The following AFAP1 variants were observed in gnomAD, a reference collection of about 807,000 sequenced individuals.
The protein encoded by AFAP1 is actin filament associated protein 1, also known as actin filament-associated protein 1.
A neutral mutation model predicts 93.9 loss-of-function variants in AFAP1; 75 were observed. The ratio of observed to expected loss-of-function variants is 0.80; its 90% CI spans 0.66 to 0.97. AFAP1 has a LOEUF of 0.97. Ranked by LOEUF, AFAP1 falls within the 50% of genes least tolerant of loss-of-function variation. The pLI is 0.00. For synonymous variants in AFAP1, 517 were observed against 430.7 expected (o/e 1.20, Z -2.48); for missense variants, 1,201 against 1,050.8 (o/e 1.14, Z -1.98).
chr4:7,930,313 A>G (rs1054359312), intron 1 of AFAP1, among the ~76,000 whole-genome samples: 2 of 151,518 alleles, frequency 1.3e-5, no homozygotes, highest in African/African-American at 4.9e-5. Flanking sequence ...TCCAAACCCA[A>G]TATTTAGAGG....
At chr4:7,898,451 C>T (rs1024571582) in intron 1 of AFAP1, among the ~76,000 whole-genome samples, 1 of 151,810 alleles carries the variant, frequency 6.6e-6, no homozygotes, top group Non-Finnish European at 1.5e-5. Flanking sequence ...TCTCTCCTTC[C>T]GCCTTTCACC....
Position 7,815,190 on chromosome 4 carries a change from G to T in AFAP1, c.904+828C>A, listed in dbSNP as rs190482203. On this transcript the variant is annotated intron_variant, in intron 8 of 17. Coordinates refer to ENST00000420658, the MANE Select transcript of AFAP1 (RefSeq NM_001134647.2). ...GGCCTGTAGGACTCCACTTCAATGA[G>T]GTCCCTAGAGGAGTCAGATTCATGA... Among the ~76,000 whole-genome samples the T allele has an allele frequency of 5.3e-5, 8 of 152,244 alleles. No individual in the cohort carries two copies. In the East Asian group the frequency reaches 1.6e-3, roughly 30 times the overall value.
At chr4:7,827,969 A>G in intron 6 of AFAP1, among the ~76,000 whole-genome samples, 1 of 152,176 alleles carries the variant, frequency 6.6e-6, no homozygotes, top group East Asian at 1.9e-4. Flanking sequence ...CTTTGGGGTA[A>G]AAGGAAATGA....
Position 7,770,802 on chromosome 4 carries a change from A to C in AFAP1, c.2254-1794T>G, listed in dbSNP as rs561093838. ...CTCCTCAGAGCACTCCTGCCCTGCC[A>C]CCACCCTCCACGCAGGACAAAAGAC... is the stretch of plus-strand genomic sequence containing the variant. On this transcript the variant is annotated intron_variant, in intron 16 of 17. Transcript: ENST00000420658. Among the ~76,000 whole-genome samples the C allele has an allele frequency of 5.3e-5, 8 of 152,208 alleles. No individual in the cohort carries two copies. In the South Asian group the frequency reaches 1.7e-3, roughly 32 times the overall value.
chr4:7,768,712 A>T (rs1188865807), intron 17 of AFAP1, 132 bp downstream of exon 17: 1 of 1,138,038 alleles, frequency 8.8e-7, no homozygotes, highest in East Asian at 2.9e-5. Flanking sequence ...CCATTCCCAG[A>T]TGTCTACTGA....
chr4:7,847,859 T>C (rs994062217), intron 4 of AFAP1, among the ~76,000 whole-genome samples: 3 of 150,748 alleles, frequency 2.0e-5, no homozygotes, highest in Admixed American at 2.0e-4. Flanking sequence ...TTGTGTAGAG[T>C]AAGGCAGCAG....
intron 16 of AFAP1, among the ~76,000 whole-genome samples, chr4:7,771,001 G>A (rs1009840080): frequency 2.6e-5 from 4 of 152,202 alleles, no homozygotes; most frequent in Non-Finnish European, 5.9e-5. Context: ...GCTGGATGAG[G>A]GACTGGGGTT....
In AFAP1 at chr4:7,800,656, G is replaced by A; in HGVS notation, c.1055-3C>T. The stretch of plus-strand genomic sequence containing the variant: ...GTTGGAGAGCACGTTCAGATAGCCT[G>A]CGGAGACACAAGGCCACAGGTCAGC... On this transcript the variant is annotated splice_region_variant and splice_polypyrimidine_tract_variant and intron_variant, in intron 9 of 17. Coordinates refer to ENST00000420658, the MANE Select transcript of AFAP1 (RefSeq NM_001134647.2). 1 of 1,614,186 alleles carries A rather than the reference G, an allele frequency of 6.2e-7. No homozygotes were observed. The highest frequency in any genetic ancestry group is 8.5e-7 in the Non-Finnish European group (1 of 1,180,026).
intron 1 of AFAP1, among the ~76,000 whole-genome samples, chr4:7,884,049 T>C (rs1718005252): frequency 6.6e-6 from 1 of 152,180 alleles, no homozygotes; most frequent in Non-Finnish European, 1.5e-5. Context: ...GGCTTGGTGC[T>C]GTCCTTGCAA....
chr4:7,848,658 G>T (rs1421831919), intron 4 of AFAP1, among the ~76,000 whole-genome samples: 2 of 151,740 alleles, frequency 1.3e-5, no homozygotes, highest in African/African-American at 4.8e-5. Flanking sequence ...TCCCCGTGTG[G>T]ACCACTCAGA....
intron 1 of AFAP1, among the ~76,000 whole-genome samples, chr4:7,896,080 C>T (rs551155432): frequency 1.3e-5 from 2 of 152,030 alleles, no homozygotes; most frequent in South Asian, 2.1e-4. Context: ...AGGCTGGTCT[C>T]GAACTCCCGA....
At chr4:7,772,682 G>T (rs1715597434) in intron 16 of AFAP1, 138 bp downstream of exon 16, 4 of 742,856 alleles carry the variant, frequency 5.4e-6, no homozygotes, top group Non-Finnish European at 4.3e-6. Context: ...GCTAACACAT[G>T]AACTGTCTTC....
At chr4:7,860,579 G>T (rs749155901) in intron 3 of AFAP1, among the ~76,000 whole-genome samples, 2 of 152,158 alleles carry the variant, frequency 1.3e-5, no homozygotes, top group Non-Finnish European at 2.9e-5. Context: ...TGATTTCACA[G>T]ATGAGGAAAC....
rs144807407 is a variant in AFAP1 at position 7,782,931 on chromosome 4, G to A, written c.1531-1304C>T. On this transcript the variant is annotated intron_variant, in intron 12 of 17. Transcript: ENST00000420658. Reference sequence around the variant, plus strand: ...TATATTTGTCCAGAGTTATTAAAACGGTCTAGACGAGACTATCATTTTCCT... The same window carrying A: ...TATATTTGTCCAGAGTTATTAAAACAGTCTAGACGAGACTATCATTTTCCT... 1.7e-3 allele frequency among the ~76,000 whole-genome samples: 257 copies of A among 152,130 alleles called. 1 individual carries two copies. The highest frequency in any genetic ancestry group is 5.6e-3 in the African/African-American group (233 of 41,494).
intron 1 of AFAP1, among the ~76,000 whole-genome samples, chr4:7,906,168 G>T (rs1009506841): frequency 3.9e-5 from 6 of 152,174 alleles, no homozygotes; most frequent in African/African-American, 1.4e-4. Flanking sequence ...TATCGAGAAA[G>T]AAACAGGGTT....
intron 9 of AFAP1, among the ~76,000 whole-genome samples, chr4:7,801,741 C>A (rs1719050901): frequency 6.6e-6 from 1 of 151,346 alleles, no homozygotes. Flanking sequence ...GTCACACATA[C>A]CCCTACCTCA....
In AFAP1 at chr4:7,760,135, A is replaced by G. The variant is rs896988141; in HGVS notation, c.*3630T>C. ...CGTGCACAAGCACCAAACTGTGGCCATAATGACAATGAACCTCAAACTCCT... is the reference window on the plus strand; with the variant it reads ...CGTGCACAAGCACCAAACTGTGGCCGTAATGACAATGAACCTCAAACTCCT... On this transcript the variant is annotated 3_prime_UTR_variant, in exon 18 of 18. Coordinates refer to ENST00000420658, the MANE Select transcript of AFAP1 (RefSeq NM_001134647.2). 6.6e-6 allele frequency: 1 copy of G among 152,260 alleles called. No homozygotes were observed. The highest frequency in any genetic ancestry group is 2.4e-5 in the African/African-American group (1 of 41,472). 9.4% of individuals were successfully genotyped at this position (152,260 alleles called of 1,614,324 possible).
At chr4:7,884,682 T>C (rs1043925253) in intron 1 of AFAP1, among the ~76,000 whole-genome samples, 2 of 152,080 alleles carry the variant, frequency 1.3e-5, no homozygotes, top group African/African-American at 4.8e-5. Context: ...CCAGAAAAAC[T>C]CTAAAGATAC....
At chr4:7,932,085 C>G (rs1721101812) in intron 1 of AFAP1, among the ~76,000 whole-genome samples, 1 of 151,878 alleles carries the variant, frequency 6.6e-6, no homozygotes, top group Non-Finnish European at 1.5e-5. Flanking sequence ...GTCTCGATCT[C>G]CTGACCTCGT....
Sources: allele counts gnomAD v4.1 joint callset (sites outside exome capture counted in the v4.1 genomes callset), GRCh38; gene constraint gnomAD v4.1.1; transcripts MANE v1.5; gene names NCBI Gene and HGNC (gene_info 2026-07-23, HGNC 2026-07-21).